The following SUCLG2 variants were observed in gnomAD, a reference collection of about 807,000 sequenced individuals.
The protein encoded by SUCLG2 is succinate--CoA ligase [GDP-forming] subunit beta, mitochondrial.
SUCLG2 carries 42 observed loss-of-function variants against 47.9 expected under a neutral mutation model. That is an observed-to-expected ratio of 0.88 (90% confidence interval 0.69 to 1.14). The LOEUF is 1.14. Ranked by LOEUF, SUCLG2 falls within the 50% of genes most tolerant of loss-of-function variation. The pLI is 0.00. For synonymous variants in SUCLG2, 195 were observed against 197.3 expected, an observed-to-expected ratio of 0.99 and a Z score of 0.10; for missense variants, 571 against 525.9, an observed-to-expected ratio of 1.09 and a Z score of -0.84.
At chr3:67,504,850 G>A (rs778876175) in intron 7 of SUCLG2, among the ~76,000 whole-genome samples, 21 of 152,152 alleles carry the variant, frequency 1.4e-4, no homozygotes, top group East Asian at 3.9e-4. Flanking sequence ...ACATGAATGC[G>A]CAGGTAGATA....
At chr3:67,525,133 G>A (rs1486176807) in intron 4 of SUCLG2, among the ~76,000 whole-genome samples, 1 of 152,052 alleles carries the variant, frequency 6.6e-6, no homozygotes, top group Non-Finnish European at 1.5e-5. Context: ...AATCAAAGGA[G>A]ACCTAAAAGA....
chr3:67,515,711 T>C (rs1255967587), intron 6 of SUCLG2, among the ~76,000 whole-genome samples: 1 of 152,096 alleles, frequency 6.6e-6, no homozygotes, highest in Non-Finnish European at 1.5e-5. Flanking sequence ...TGTTTAAATG[T>C]TTTCCCTTCT....
At chr3:67,600,065 C>A (rs2107295431) in intron 2 of SUCLG2, among the ~76,000 whole-genome samples, 1 of 152,216 alleles carries the variant, frequency 6.6e-6, no homozygotes, top group Admixed American at 6.5e-5. Flanking sequence ...TATTCTGTTG[C>A]AATGTAAAGA....
intron 10 of SUCLG2, among the ~76,000 whole-genome samples, chr3:67,398,775 T>C (rs1702611568): frequency 6.6e-6 from 1 of 152,178 alleles, no homozygotes. Flanking sequence ...CCAACCCAAA[T>C]GTCCAACGAT....
At chr3:67,553,764 A>C (rs1235736988) in intron 2 of SUCLG2, among the ~76,000 whole-genome samples, 1 of 152,160 alleles carries the variant, frequency 6.6e-6, no homozygotes, top group Non-Finnish European at 1.5e-5. Context: ...TTTGTCAAAA[A>C]CTTTATCTTT....
intron 9 of SUCLG2, among the ~76,000 whole-genome samples, chr3:67,431,233 C>T (rs1352657504): frequency 6.6e-6 from 1 of 152,168 alleles, no homozygotes; most frequent in Non-Finnish European, 1.5e-5. Context: ...AATCCAGCAG[C>T]ACATCAAAAA....
At chr3:67,594,321 G>T (rs1438680368) in intron 2 of SUCLG2, among the ~76,000 whole-genome samples, 1 of 152,068 alleles carries the variant, frequency 6.6e-6, no homozygotes, top group Non-Finnish European at 1.5e-5. Context: ...ATATGATCTG[G>T]GCTCCAACCC....
At chr3:67,385,438 C>A (rs965013146) in intron 10 of SUCLG2, among the ~76,000 whole-genome samples, 6 of 152,334 alleles carry the variant, frequency 3.9e-5, no homozygotes, top group African/African-American at 1.4e-4. Context: ...TGTAACCCCT[C>A]CTGTTCTCTT....
At position 67,429,028 on chromosome 3, in the gene SUCLG2, C is replaced by T. The variant is rs189123942; in HGVS notation, c.1063-28177G>A. The stretch of plus-strand genomic sequence containing the variant: ...TGGAACCAAGTTGGAAAACACTCTT[C>T]AGGACATTACCCAGAAGAACTTCCC... On this transcript the variant is annotated intron_variant, in intron 9 of 10. Coordinates refer to ENST00000307227, the MANE Select transcript of SUCLG2 (RefSeq NM_003848.4). 2.6e-4 allele frequency among the ~76,000 whole-genome samples: 39 copies of T among 152,314 alleles called. No individual in the cohort carries two copies. In the East Asian group the frequency reaches 5.6e-3, roughly 22 times the overall value.
chr3:67,654,451 C>A (rs1363702068), intron 1 of SUCLG2, 52 bp downstream of exon 1: 1 of 1,214,268 alleles, frequency 8.2e-7, no homozygotes, highest in African/African-American at 1.6e-5. Flanking sequence ...GAGGGAAGCC[C>A]GGGCAGGCCG....
chr3:67,427,453 T>C (rs779941749), intron 9 of SUCLG2, among the ~76,000 whole-genome samples: 45 of 152,222 alleles, frequency 3.0e-4, no homozygotes, highest in Non-Finnish European at 5.0e-4. Context: ...ATGTTGTCAA[T>C]TGACTATCTA....
chr3:67,364,143 A>G (rs1450373210), intron 10 of SUCLG2, among the ~76,000 whole-genome samples: 1 of 152,152 alleles, frequency 6.6e-6, no homozygotes, highest in East Asian at 1.9e-4. Flanking sequence ...CCCCAGCCCT[A>G]CTGAAGCCCA....
At chr3:67,513,874 CA>C (rs1705864147) in intron 6 of SUCLG2, 1 of 152,334 alleles carries the variant, frequency 6.6e-6, no homozygotes, top group South Asian at 2.1e-4. Context: ...AAAAATGTCT[CA>C]AAAGGAGCAT....
Position 67,533,971 on chromosome 3 carries a change from G to A in SUCLG2, c.227-4785C>T, listed in dbSNP as rs144974274. ...CATTAGAATAAACCATTTCACCATT[G>A]GTCACATCATTTGACTGAATGAGAC... On this transcript the variant is annotated intron_variant, in intron 2 of 10. Transcript: ENST00000307227. Among the ~76,000 whole-genome samples, 7 of 151,318 alleles carry A rather than the reference G, an allele frequency of 4.6e-5. No individual in the cohort carries two copies. The East Asian group carries it at 1.2e-3, about 27-fold the overall frequency.
intron 9 of SUCLG2, among the ~76,000 whole-genome samples, chr3:67,420,291 T>C (rs1559519376): frequency 1.3e-5 from 2 of 152,234 alleles, no homozygotes; most frequent in South Asian, 2.1e-4. Context: ...TACTAAAATG[T>C]ACTGACCTGA....
chr3:67,387,881 T>C (rs750366408), intron 10 of SUCLG2, among the ~76,000 whole-genome samples: 10 of 151,936 alleles, frequency 6.6e-5, no homozygotes, highest in Non-Finnish European at 1.0e-4. Context: ...GTAAATACCA[T>C]GTGCATGCAG....
chr3:67,603,958 T>C (rs1431216182), intron 2 of SUCLG2, among the ~76,000 whole-genome samples: 1 of 152,188 alleles, frequency 6.6e-6, no homozygotes, highest in Non-Finnish European at 1.5e-5. Context: ...CTAAGAAAAT[T>C]GTATGCAACG....
chr3:67,454,690 T>C (rs1264651714), intron 9 of SUCLG2, among the ~76,000 whole-genome samples: 4 of 151,970 alleles, frequency 2.6e-5, no homozygotes, highest in Admixed American at 1.3e-4. Flanking sequence ...GGGCCGGGCG[T>C]GGTGGCTCAT....
chr3:67,421,695 G>C (rs951621912), intron 9 of SUCLG2, among the ~76,000 whole-genome samples: 7 of 152,088 alleles, frequency 4.6e-5, no homozygotes, highest in Non-Finnish European at 1.0e-4. Context: ...GTATTCATTG[G>C]GAGAAAGGGG....
Sources: allele counts gnomAD v4.1 joint callset (sites outside exome capture counted in the v4.1 genomes callset), GRCh38; gene constraint gnomAD v4.1.1; transcripts MANE v1.5; gene names NCBI Gene and HGNC (gene_info 2026-07-23, HGNC 2026-07-21).